IQCM: variants seen among roughly 807,000 people sequenced by gnomAD.
IQCM encodes the protein IQ domain-containing protein M.
IQCM carries 45 observed loss-of-function variants against 57.6 expected under a neutral mutation model. The ratio of observed to expected loss-of-function variants is 0.78; its 90% CI spans 0.62 to 1.00. The LOEUF (loss-of-function observed/expected upper bound fraction) is 1.00. Ranked by LOEUF, IQCM falls within the 50% of genes least tolerant of loss-of-function variation. The pLI, the probability that IQCM is intolerant of heterozygous loss-of-function variation, is 0.00. For missense variants in IQCM, 468 were observed against 511.6 expected (o/e 0.91, Z 0.82); for synonymous variants, 148 against 158.9 (o/e 0.93, Z 0.51).
chr4:149,760,642 TAAA>T (rs1769417813), intron 2 of IQCM, among the ~76,000 whole-genome samples: 2 of 152,014 alleles, frequency 1.3e-5, no homozygotes, highest in South Asian at 4.1e-4. Context: ...AATATACAAA[TAAA>T]AACTACCAAT....
intron 7 of IQCM, among the ~76,000 whole-genome samples, chr4:149,660,400 C>G (rs1189856259): frequency 6.6e-6 from 1 of 152,060 alleles, no homozygotes; most frequent in Non-Finnish European, 1.5e-5. Flanking sequence ...TAAACTAGTT[C>G]TACCATTGTG....
chr4:149,686,976 C>G (rs574376363), intron 5 of IQCM, among the ~76,000 whole-genome samples: 3 of 151,696 alleles, frequency 2.0e-5, no homozygotes, highest in Admixed American at 6.6e-5. Flanking sequence ...AAAAAATCTA[C>G]TTCTTCAAGT....
intron 12 of IQCM, among the ~76,000 whole-genome samples, chr4:149,473,348 T>G (rs187294104): frequency 1.4e-4 from 21 of 152,264 alleles, no homozygotes; most frequent in African/African-American, 4.8e-4. Context: ...AGAAGACATT[T>G]ATGCAGCCAA....
intron 5 of IQCM, among the ~76,000 whole-genome samples, chr4:149,719,918 G>A (rs1445236979): frequency 2.6e-5 from 4 of 152,128 alleles, no homozygotes; most frequent in African/African-American, 7.2e-5. Flanking sequence ...AAAGAATACC[G>A]AGAAGCCAAA....
At chr4:149,803,071 GATC>G (rs1773750245) in intron 2 of IQCM, among the ~76,000 whole-genome samples, 1 of 151,894 alleles carries the variant, frequency 6.6e-6, no homozygotes, top group Non-Finnish European at 1.5e-5. Flanking sequence ...ACTTGCCCAT[GATC>G]CATGTGCTAG....
intron 13 of IQCM, among the ~76,000 whole-genome samples, chr4:149,388,575 TATATATAC>T (rs1041267780): frequency 2.9e-4 from 32 of 109,176 alleles, no homozygotes; most frequent in African/African-American, 7.2e-4. Flanking sequence ...TATACATAAA[TATATATAC>T]ATATATACAT....
At chr4:149,488,891 A>G (rs933330033) in intron 12 of IQCM, among the ~76,000 whole-genome samples, 1 of 152,186 alleles carries the variant, frequency 6.6e-6, no homozygotes, top group Non-Finnish European at 1.5e-5. Context: ...AGCCTTTTAT[A>G]TAGAATAGTG....
At chr4:149,814,506 G>A (rs925234414) in intron 2 of IQCM, among the ~76,000 whole-genome samples, 9 of 151,686 alleles carry the variant, frequency 5.9e-5, no homozygotes, top group Non-Finnish European at 1.2e-4. Flanking sequence ...GATGCTCAAG[G>A]TGATATCTTT....
intron 12 of IQCM, among the ~76,000 whole-genome samples, chr4:149,490,435 A>G (rs759657253): frequency 2.6e-5 from 4 of 152,070 alleles, no homozygotes; most frequent in Non-Finnish European, 5.9e-5. Flanking sequence ...TAATTGCATG[A>G]GTTTTCATAA....
chr4:149,659,119 C>A (rs10006050), intron 7 of IQCM, among the ~76,000 whole-genome samples: 7 of 151,740 alleles, frequency 4.6e-5, no homozygotes, highest in Admixed American at 2.0e-4. Flanking sequence ...ATTTTGTTGA[C>A]GCTTTCAAAA....
intron 12 of IQCM, among the ~76,000 whole-genome samples, chr4:149,485,987 A>T: frequency 7.0e-6 from 1 of 143,284 alleles, no homozygotes; most frequent in African/African-American, 2.6e-5. Context: ...ACTCTTGTTC[A>T]CTTCCCTTAC....
chr4:149,760,223 A>G (rs1019483852), intron 2 of IQCM, among the ~76,000 whole-genome samples: 4 of 152,104 alleles, frequency 2.6e-5, no homozygotes, highest in African/African-American at 9.7e-5. Context: ...GAAATAATAG[A>G]TAATAAGGAA....
chr4:149,704,321 G>A (rs1200977965), intron 5 of IQCM, among the ~76,000 whole-genome samples: 3 of 151,704 alleles, frequency 2.0e-5, no homozygotes, highest in Admixed American at 1.3e-4. Context: ...GATACCAATG[G>A]GTTAGAACAG....
intron 7 of IQCM, among the ~76,000 whole-genome samples, chr4:149,645,229 A>C (rs931727571): frequency 1.3e-5 from 2 of 152,176 alleles, no homozygotes; most frequent in Non-Finnish European, 2.9e-5. Flanking sequence ...TTTGCAAGCC[A>C]GAGTAGCTAT....
At chr4:149,532,273 G>A (rs901641628) in intron 12 of IQCM, among the ~76,000 whole-genome samples, 6 of 152,008 alleles carry the variant, frequency 3.9e-5, no homozygotes, top group African/African-American at 1.2e-4. Flanking sequence ...GTATACAAAG[G>A]CAATGCTGGT....
chr4:149,471,756 CA>C (rs1201468509), intron 12 of IQCM, among the ~76,000 whole-genome samples: 2 of 152,138 alleles, frequency 1.3e-5, no homozygotes, highest in African/African-American at 4.8e-5. Flanking sequence ...AGCAGCACAT[CA>C]AAAAGCTTAT....
Position 149,412,068 on chromosome 4 carries a change from G to C in IQCM, c.1390+21328C>G, listed in dbSNP as rs1176752450. On this transcript the variant is annotated intron_variant, in intron 13 of 13. Transcript: ENST00000636793. ...CATGTAACATTTAGTGTGTGTGTTT[G>C]TGTGTGTGTGTGTGTGTGTGTGTGT... Among the ~76,000 whole-genome samples the C allele has an allele frequency of 4.2e-3, 153 of 36,170 alleles. 4 individuals are homozygous for C. The South Asian group carries it at 0.081, about 19-fold the overall frequency. 23.7% of individuals were successfully genotyped at this position (36,170 alleles called of 152,430 possible).
At chr4:149,505,178 AG>A (rs1743665561) in intron 12 of IQCM, among the ~76,000 whole-genome samples, 1 of 152,158 alleles carries the variant, frequency 6.6e-6, no homozygotes, top group Admixed American at 6.5e-5. Context: ...AATGGGAAAA[AG>A]GGGGACAGCG....
chr4:149,736,502 G>A (rs1430261276), intron 3 of IQCM, among the ~76,000 whole-genome samples: 1 of 152,048 alleles, frequency 6.6e-6, no homozygotes, highest in East Asian at 1.9e-4. Context: ...CCTATTCAAA[G>A]TCTGGCCAGT....
Sources: gnomAD v4.1 joint callset for allele counts (sites outside exome capture counted in the v4.1 genomes callset) on GRCh38, gnomAD v4.1.1 for gene constraint, MANE v1.5 for transcripts, NCBI Gene and HGNC (gene_info 2026-07-23, HGNC 2026-07-21) for gene names.